Variants in PAQR3 observed in about 807,000 individuals in gnomAD.
PAQR3 encodes progestin and adipoQ receptor family member 3.
A neutral mutation model predicts 41.7 loss-of-function variants in PAQR3; 39 were observed. The observed-to-expected ratio is 0.93, with a 90% CI of 0.72 to 1.22. The LOEUF is 1.22. Ranked by LOEUF, PAQR3 falls within the 50% of genes most tolerant of loss-of-function variation. PAQR3 has a pLI of 0.00. For synonymous variants in PAQR3, 140 were observed against 140.6 expected, an observed-to-expected ratio of 1.00 and a Z score of 0.03; for missense variants, 366 against 385.6, an observed-to-expected ratio of 0.95 and a Z score of 0.42.
chr4:78,887,198 C>T (rs1733142890), exon 13 of PAQR3: 1 of 1,609,950 alleles, frequency 6.2e-7, no homozygotes, highest in Non-Finnish European at 8.5e-7. Context: ...AGAGCATCCT[C>T]AGATAAGAAT....
At chr4:78,934,494 A>G (rs2110170448) in intron 2 of PAQR3, among the ~76,000 whole-genome samples, 1 of 152,356 alleles carries the variant, frequency 6.6e-6, no homozygotes, top group Middle Eastern at 3.4e-3. Context: ...TACAGTCCAC[A>G]TTTGTTTTCT....
chr4:78,910,732 G>A (rs1281768189), downstream of PAQR3: 1 of 1,613,884 alleles, frequency 6.2e-7, no homozygotes, highest in East Asian at 2.2e-5. Flanking sequence ...GAAAACCTCA[G>A]TACAGGGTCA....
intron 11 of PAQR3, among the ~76,000 whole-genome samples, chr4:78,888,453 T>C (rs919997088): frequency 1.3e-5 from 2 of 152,202 alleles, no homozygotes; most frequent in Admixed American, 6.5e-5. Flanking sequence ...GAGATACTGA[T>C]CTCTGTGTGG....
intron 11 of PAQR3, among the ~76,000 whole-genome samples, chr4:78,895,719 A>G (rs1334555034): frequency 1.3e-5 from 2 of 152,152 alleles, no homozygotes; most frequent in Non-Finnish European, 2.9e-5. Flanking sequence ...AAGGACTATA[A>G]TATCATTGCC....
chr4:78,919,969 T>A lies in PAQR3; in HGVS notation c.*570A>T, dbSNP rs1286215631. 1 of 985,122 alleles carries A rather than the reference T, an allele frequency of 1.0e-6. No individual in the cohort carries two copies. The highest frequency in any genetic ancestry group is 1.1e-4 in the East Asian group (1 of 8,820). The allele number at this position is 985,122 out of a possible 1,614,324, so 61.0% of individuals were successfully genotyped here. On this transcript the variant is annotated 3_prime_UTR_variant, in exon 6 of 6. Transcript: ENST00000512733. ...TTTTGTTCTGGAAAACTAAAATATC[T>A]AATGTTCTTAGGGAGAGAAGAACCT...
Position 78,915,292 on chromosome 4 carries a change from G to C in PAQR3, c.*5247C>G, listed in dbSNP as rs912958323. 1 of 152,010 alleles carries C rather than the reference G, an allele frequency of 6.6e-6. No homozygotes were observed. Among genetic ancestry groups the C allele is most frequent in the African/African-American group, 2.4e-5 (1 of 41,428 alleles). 9.4% of individuals were successfully genotyped at this position (152,010 alleles called of 1,614,324 possible). A position where few individuals can be genotyped will look rare whatever the true frequency, so the allele number is the denominator to read the frequency against. ...GTGGAGCCCACTCTTCTATGCTGAA[G>C]TTCACCAGGCAGAGCAGTTTTCTTA... On this transcript the variant is annotated 3_prime_UTR_variant, in exon 6 of 6. Coordinates refer to ENST00000512733, the MANE Select transcript of PAQR3 (RefSeq NM_001040202.2).
At position 78,919,450 on chromosome 4, in the gene PAQR3, C is replaced by T; in HGVS notation, c.*1089G>A. On this transcript the variant is annotated 3_prime_UTR_variant, in exon 6 of 6. Transcript: ENST00000512733. ...ACAATAAAAAGAAAGTTTAATGCTT[C>T]AGGCCCAAATATTAAGTGTTTATCA... 1 of 984,758 alleles carries T rather than the reference C, an allele frequency of 1.0e-6. No individual in the cohort carries two copies. The highest frequency in any genetic ancestry group is 4.7e-5 in the South Asian group (1 of 21,278). 61.0% of individuals were successfully genotyped at this position (984,758 alleles called of 1,614,324 possible).
At chr4:78,910,793 C>G, downstream of PAQR3, 4 of 1,613,800 alleles carry the variant, frequency 2.5e-6, no homozygotes, top group Non-Finnish European at 3.4e-6. Flanking sequence ...TCAGATCCCC[C>G]TTCTCCTAAG....
chr4:78,904,315 A>G (rs935944864), intron 11 of PAQR3, among the ~76,000 whole-genome samples: 3 of 151,876 alleles, frequency 2.0e-5, no homozygotes, highest in African/African-American at 7.2e-5. Context: ...ATATAGGGAG[A>G]TAAGAGGTAA....
At chr4:78,920,826 T>G in intron 5 of PAQR3, 145 bp from the exon 6 acceptor site, 1 of 790,246 alleles carries the variant, frequency 1.3e-6, no homozygotes, top group Non-Finnish European at 1.8e-6. Flanking sequence ...CAAACGTTTT[T>G]AGAAATGGAT....
chr4:78,932,945 A>AT (rs2110166309), intron 2 of PAQR3: 1 of 311,614 alleles, frequency 3.2e-6, no homozygotes, highest in African/African-American at 2.1e-5. Flanking sequence ...AGGTAGACAG[A>AT]TAATTACAGT....
At chr4:78,936,862 C>A (rs1051241270) in intron 1 of PAQR3, among the ~76,000 whole-genome samples, 1 of 152,206 alleles carries the variant, frequency 6.6e-6, no homozygotes, top group African/African-American at 2.4e-5. Context: ...CTATGACATA[C>A]AAAACCTCCT....
chr4:78,922,383 G>A (rs955150731), intron 5 of PAQR3: 7 of 1,288,814 alleles, frequency 5.4e-6, no homozygotes, highest in South Asian at 1.2e-5. Context: ...CACGTGACGA[G>A]TGGTACAATC....
intron 11 of PAQR3, among the ~76,000 whole-genome samples, chr4:78,888,644 T>C (rs1445947929): frequency 6.6e-6 from 1 of 152,230 alleles, no homozygotes; most frequent in Admixed American, 6.5e-5. Context: ...TGGTCTTTTC[T>C]CTGGACACCC....
At chr4:78,894,411 C>T (rs868722194) in intron 11 of PAQR3, among the ~76,000 whole-genome samples, 2 of 152,208 alleles carry the variant, frequency 1.3e-5, no homozygotes, top group Non-Finnish European at 2.9e-5. Context: ...TGTTACACTT[C>T]CTGCGTTACC....
At position 78,920,378 on chromosome 4, in the gene PAQR3, C is replaced by T; in HGVS notation, c.*161G>A. On this transcript the variant is annotated 3_prime_UTR_variant, in exon 6 of 6. Transcript: ENST00000512733. ...TAAGGATTTTGTAAAGCAGTTATTA[C>T]TACAGATCCTTAAGTATACTTTTTT... 2 of 1,266,060 alleles carry T rather than the reference C, an allele frequency of 1.6e-6. No homozygotes were observed. The highest frequency in any genetic ancestry group is 2.0e-6 in the Non-Finnish European group (2 of 1,005,794). 78.4% of individuals were successfully genotyped at this position (1,266,060 alleles called of 1,614,324 possible).
At chr4:78,924,519 G>T (rs1019676996) in intron 4 of PAQR3, among the ~76,000 whole-genome samples, 1 of 152,042 alleles carries the variant, frequency 6.6e-6, no homozygotes. Flanking sequence ...GACAGGCTTG[G>T]TGCATGGCTC....
intron 5 of PAQR3, 50 bp downstream of exon 5, chr4:78,923,807 G>T (rs377044517): frequency 2.5e-6 from 3 of 1,201,542 alleles, no homozygotes; most frequent in Non-Finnish European, 3.7e-6. Flanking sequence ...ATATACCTTG[G>T]GCATATATTT....
At position 78,917,934 on chromosome 4, in the gene PAQR3, T is replaced by G; in HGVS notation, c.*2605A>C. On this transcript the variant is annotated 3_prime_UTR_variant, in exon 6 of 6. Coordinates refer to ENST00000512733, the MANE Select transcript of PAQR3 (RefSeq NM_001040202.2). Reference sequence around the variant, plus strand: ...ATTACAAAGAATGACAAGCAGCAGTTAAAAATATTTAGTAAACCCAGTTTA... The same window carrying G: ...ATTACAAAGAATGACAAGCAGCAGTGAAAAATATTTAGTAAACCCAGTTTA... 1.0e-6 allele frequency: 1 copy of G among 984,270 alleles called. No homozygotes were observed. The highest frequency in any genetic ancestry group is 4.7e-5 in the South Asian group (1 of 21,252). 61.0% of individuals were successfully genotyped at this position (984,270 alleles called of 1,614,324 possible).
Sources: allele counts gnomAD v4.1 joint callset (sites outside exome capture counted in the v4.1 genomes callset), GRCh38; gene constraint gnomAD v4.1.1; transcripts MANE v1.5; gene names NCBI Gene and HGNC (gene_info 2026-07-23, HGNC 2026-07-21).